Variants in OPCML observed in about 807,000 individuals in gnomAD.
OPCML encodes opioid-binding protein/cell adhesion molecule.
In OPCML, 13 loss-of-function variants were observed where a neutral mutation model predicts 37.8. The observed-to-expected ratio is 0.34, with a 90% CI of 0.22 to 0.55. The LOEUF is 0.55. Among genes scored for constraint, OPCML ranks in the 20% least tolerant of loss-of-function variants. The probability of loss-of-function intolerance (pLI) is 0.91; values close to 1 mark genes in which losing one functional copy is unlikely to be tolerated. For missense variants in OPCML, 341 were observed against 435.6 expected (o/e 0.78, Z 1.93); for synonymous variants, 176 against 168.8 (o/e 1.04, Z -0.33).
At chr11:133,380,916 CAAG>C (rs2136779800) in intron 1 of OPCML, among the ~76,000 whole-genome samples, 1 of 152,250 alleles carries the variant, frequency 6.6e-6, no homozygotes, top group South Asian at 2.1e-4. Context: ...AAGACAACAC[CAAG>C]AATAAGGACA....
At chr11:133,176,281 C>T (rs980152065) in intron 1 of OPCML, among the ~76,000 whole-genome samples, 3 of 151,228 alleles carry the variant, frequency 2.0e-5, no homozygotes, top group Non-Finnish European at 4.4e-5. Context: ...TTGAATGCTC[C>T]ATGAGGTAAT....
At chr11:132,800,855 G>GT (rs1205457397) in intron 2 of OPCML, among the ~76,000 whole-genome samples, 1 of 152,020 alleles carries the variant, frequency 6.6e-6, no homozygotes, top group Non-Finnish European at 1.5e-5. Context: ...TTTTCCTGTA[G>GT]TTTTTTACAT....
At position 132,842,207 on chromosome 11, in the gene OPCML, A is replaced by ATG. The variant is rs566271586; in HGVS notation, c.146+100717_146+100718dup. On this transcript the variant is annotated intron_variant, in intron 2 of 7. Coordinates refer to ENST00000524381, the MANE Select transcript of OPCML (RefSeq NM_001012393.5). ...TTACCCCCTTCCTTCCCCAACACCGATGTAGCCACCTAGAGCTCCCATAGG... is the reference window on the plus strand; with the variant it reads ...TTACCCCCTTCCTTCCCCAACACCGATGTGTAGCCACCTAGAGCTCCCATAGG... 4.6e-5 allele frequency among the ~76,000 whole-genome samples: 7 copies of ATG among 152,228 alleles called. No homozygotes were observed. In the South Asian group the frequency reaches 1.5e-3, roughly 32 times the overall value.
At chr11:133,059,396 T>C (rs968160263) in intron 1 of OPCML, among the ~76,000 whole-genome samples, 3 of 152,170 alleles carry the variant, frequency 2.0e-5, no homozygotes, top group Admixed American at 6.5e-5. Context: ...ATTATTTGCC[T>C]TCTTCACTGT....
chr11:133,136,595 G>A (rs1949694465), intron 1 of OPCML, among the ~76,000 whole-genome samples: 1 of 152,122 alleles, frequency 6.6e-6, no homozygotes, highest in South Asian at 2.1e-4. Context: ...ATTCCAGGAA[G>A]AGGCGCTCCT....
intron 1 of OPCML, among the ~76,000 whole-genome samples, chr11:133,204,857 T>C (rs1938962823): frequency 2.0e-5 from 1 of 49,232 alleles, no homozygotes; most frequent in South Asian, 5.9e-4. Context: ...CTATTATATA[T>C]ATATATATGT....
chr11:133,013,822 T>G (rs1004931195), intron 1 of OPCML, among the ~76,000 whole-genome samples: 2 of 152,176 alleles, frequency 1.3e-5, no homozygotes, highest in African/African-American at 4.8e-5. Context: ...CTATAATCAA[T>G]TCCAATTCTC....
At chr11:133,488,396 T>C (rs1358989371) in intron 1 of OPCML, among the ~76,000 whole-genome samples, 1 of 152,146 alleles carries the variant, frequency 6.6e-6, no homozygotes, top group Non-Finnish European at 1.5e-5. Flanking sequence ...TTATATTAGA[T>C]AAACAAATTT....
intron 1 of OPCML, among the ~76,000 whole-genome samples, chr11:133,034,363 G>C (rs1038424770): frequency 6.6e-6 from 1 of 151,464 alleles, no homozygotes; most frequent in African/African-American, 2.4e-5. Context: ...GAGAGAGAGA[G>C]ACAGAGGGAA....
At chr11:132,458,098 C>G (rs562070549) in intron 4 of OPCML, among the ~76,000 whole-genome samples, 1 of 152,188 alleles carries the variant, frequency 6.6e-6, no homozygotes, top group African/African-American at 2.4e-5. Context: ...CCTGAGTGGA[C>G]AGAGAAGGTC....
chr11:133,059,803 A>G (rs568423909), intron 1 of OPCML, among the ~76,000 whole-genome samples: 1 of 152,214 alleles, frequency 6.6e-6, no homozygotes, highest in Non-Finnish European at 1.5e-5. Context: ...TGTTATTATT[A>G]GACTTGGGTA....
intron 3 of OPCML, among the ~76,000 whole-genome samples, chr11:132,564,281 G>A (rs1207643186): frequency 6.6e-6 from 1 of 152,200 alleles, no homozygotes; most frequent in Admixed American, 6.5e-5. Flanking sequence ...GAGAGACACA[G>A]CTCCTGCTGA....
At chr11:132,696,487 T>A (rs1943603741) in intron 2 of OPCML, among the ~76,000 whole-genome samples, 1 of 152,112 alleles carries the variant, frequency 6.6e-6, no homozygotes, top group South Asian at 2.1e-4. Flanking sequence ...TCTTAGAGAT[T>A]TAAGATGATA....
chr11:132,488,294 A>T (rs1428930030), intron 4 of OPCML, among the ~76,000 whole-genome samples: 2 of 152,222 alleles, frequency 1.3e-5, no homozygotes, highest in Non-Finnish European at 2.9e-5. Context: ...TGACAGGGAT[A>T]CTTCTGGGAA....
intron 3 of OPCML, among the ~76,000 whole-genome samples, chr11:132,575,516 A>C (rs923656478): frequency 6.6e-6 from 1 of 151,450 alleles, no homozygotes; most frequent in Non-Finnish European, 1.5e-5. Flanking sequence ...ACATGTAAAA[A>C]CTCTGCACTT....
intron 1 of OPCML, among the ~76,000 whole-genome samples, chr11:132,969,432 T>G (rs1390401789): frequency 1.3e-5 from 2 of 152,116 alleles, no homozygotes; most frequent in African/African-American, 4.8e-5. Context: ...CTGCTTGGAG[T>G]TTGTTAAGTT....
rs190056563 is a variant in OPCML, at chr11:133,049,585, G to A, written c.62-106575C>T. Among the ~76,000 whole-genome samples, 513 of 152,366 alleles carry A rather than the reference G, an allele frequency of 3.4e-3. 1 individual carries two copies. Among genetic ancestry groups the A allele is most frequent in the Non-Finnish European group, 5.7e-3 (385 of 68,036 alleles). ...AACAAAAGAGAAGTTGATCGCAGAT[G>A]AGGAAATGCTTGGAATTCATGAAAT... On this transcript the variant is annotated intron_variant, in intron 1 of 7. Coordinates refer to ENST00000524381, the MANE Select transcript of OPCML (RefSeq NM_001012393.5).
intron 1 of OPCML, among the ~76,000 whole-genome samples, chr11:133,276,846 T>C (rs1415183521): frequency 6.6e-6 from 1 of 152,190 alleles, no homozygotes; most frequent in East Asian, 1.9e-4. Context: ...CCAATTATTT[T>C]ACTCTTACTT....
rs747718450 is a variant in OPCML at position 133,174,838 on chromosome 11, T to G, written c.62-231828A>C. On this transcript the variant is annotated intron_variant, in intron 1 of 7. Transcript: ENST00000524381. This position sits in a 1 kb window ranked among gnomAD's most constrained non-coding sequence, Gnocchi z 4.6. ...GCACTAGAAAAAGAGTACTTTAAAA[T>G]AACCTGTAATCCCAGCACTTTGGGA... is the stretch of plus-strand genomic sequence containing the variant. Among the ~76,000 whole-genome samples, 16 of 152,180 alleles carry G rather than the reference T, an allele frequency of 1.1e-4. No homozygotes were observed. Among genetic ancestry groups the G allele is most frequent in the South Asian group, 4.2e-4 (2 of 4,812 alleles).
Sources: gnomAD v4.1 joint callset for allele counts (sites outside exome capture counted in the v4.1 genomes callset) on GRCh38, gnomAD v4.1.1 for gene constraint, Gnocchi (gnomAD v3.1) non-coding constraint, MANE v1.5 for transcripts, NCBI Gene and HGNC (gene_info 2026-07-23, HGNC 2026-07-21) for gene names.